Variants in INTS13 observed in about 807,000 individuals in gnomAD.
INTS13 encodes integrator complex subunit 13.
INTS13 carries 35 observed loss-of-function variants against 90.2 expected under a neutral mutation model. That is an observed-to-expected ratio of 0.39 (90% CI 0.30 to 0.51). The LOEUF is 0.51. INTS13 is among the 20% of genes least tolerant of loss of function. The pLI is 0.80. For synonymous variants in INTS13, 309 were observed against 277.1 expected, an observed-to-expected ratio of 1.11 and a Z score of -1.14; for missense variants, 601 against 851.2, an observed-to-expected ratio of 0.71 and a Z score of 3.66.
At chr12:26,930,892 G>T (rs75825557) in intron 3 of INTS13, among the ~76,000 whole-genome samples, 1,712 of 152,176 alleles carry the variant, frequency 0.011, 27 homozygotes, top group African/African-American at 0.039. Flanking sequence ...GAAACGTATG[G>T]AATTCTTAAA....
intron 8 of INTS13, among the ~76,000 whole-genome samples, chr12:26,918,841 C>G (rs1398008295): frequency 1.3e-5 from 2 of 152,102 alleles, no homozygotes; most frequent in Non-Finnish European, 2.9e-5. Flanking sequence ...GAAGTGAAGA[C>G]TGGTCTGAGT....
intron 3 of INTS13, among the ~76,000 whole-genome samples, chr12:26,929,544 G>T (rs2137543238): frequency 6.8e-6 from 1 of 147,616 alleles, no homozygotes; most frequent in East Asian, 2.0e-4. Flanking sequence ...AACAAAGCAA[G>T]ACACCGTTTC....
At chr12:26,926,280 CT>C (rs1937870636) in intron 5 of INTS13, among the ~76,000 whole-genome samples, 3 of 152,162 alleles carry the variant, frequency 2.0e-5, no homozygotes, top group Admixed American at 1.3e-4. Flanking sequence ...TTTCCCCCAA[CT>C]TTTTATTTTG....
chr12:26,912,523 G>C (rs1295673686), intron 14 of INTS13, among the ~76,000 whole-genome samples: 2 of 152,178 alleles, frequency 1.3e-5, no homozygotes, highest in Non-Finnish European at 2.9e-5. Flanking sequence ...GATATAGCCA[G>C]AGGATACGCT....
Position 26,928,812 on chromosome 12 carries a change from T to C in INTS13, c.394A>G (p.Thr132Ala), listed in dbSNP as rs577176759. 4 of 1,614,034 alleles carry C rather than the reference T, an allele frequency of 2.5e-6. No individual in the cohort carries two copies. In the African/African-American group the frequency reaches 5.3e-5, roughly 22 times the overall value. ...ILHGLVAAVE[T>A]LCKITEYQHE... Reference sequence around the variant, plus strand: ...TGGTATTCAGTAATTTTGCAGAGAGTTTCCACTGCTGCAACAAGGCCATGC... The same window carrying C: ...TGGTATTCAGTAATTTTGCAGAGAGCTTCCACTGCTGCAACAAGGCCATGC... Residue 132 changes from threonine (T) to alanine (A), a missense_variant, in exon 4 of 17, where the codon ACT becomes GCT. By Grantham distance (58) the Thr-to-Ala change is moderately conservative (BLOSUM62 0). Coordinates refer to ENST00000261191, the MANE Select transcript of INTS13 (RefSeq NM_018164.3).
intron 2 of INTS13, 49 bp from the exon 3 acceptor site, chr12:26,934,679 A>G (rs1938370081): frequency 3.1e-6 from 4 of 1,271,560 alleles, no homozygotes; most frequent in Non-Finnish European, 4.6e-6. Flanking sequence ...ATTTCACTCA[A>G]TCACCAACAT....
intron 3 of INTS13, among the ~76,000 whole-genome samples, chr12:26,932,103 A>C (rs117194430): frequency 0.099 from 14,944 of 150,804 alleles, 1,030 homozygotes; most frequent in East Asian, 0.16. Flanking sequence ...AAAAAAAAAA[A>C]AACACTCATA....
intron 8 of INTS13, among the ~76,000 whole-genome samples, chr12:26,920,523 C>G (rs1202663608): frequency 6.6e-6 from 1 of 151,858 alleles, no homozygotes; most frequent in East Asian, 1.9e-4. Context: ...CTCAGCATCC[C>G]GAGTAGCTGG....
In INTS13 at chr12:26,906,404, C is replaced by A; in HGVS notation, c.1979G>T (p.Arg660Ile). ...TTTTCTGGAATTGGCAGTATTGATT[C>A]TATTACTCCACAAGGATAATAACGA... is the stretch of plus-strand genomic sequence containing the variant. Reference protein sequence around the residue: ...PVSLLSLWSNRINTANSRKHQ... With the variant: ...PVSLLSLWSNIINTANSRKHQ... Residue 660 changes from arginine to isoleucine, a missense_variant, in exon 16 of 17, where the codon AGA becomes ATA. Arg to Ile is a moderately conservative substitution (Grantham distance 97). Around this residue, in one of 3 missense-constraint regions of INTS13, gnomAD observed 228 missense variants for 272.5 expected, o/e 0.84. Coordinates refer to ENST00000261191, the MANE Select transcript of INTS13 (RefSeq NM_018164.3). The A allele has an allele frequency of 1.2e-6, 2 of 1,611,424 alleles. No individual in the cohort carries two copies. The highest frequency in any genetic ancestry group is 1.1e-5 in the South Asian group (1 of 90,824).
chr12:26,914,651 G>C (rs1951879103), intron 11 of INTS13, 73 bp from the exon 12 acceptor site: 1 of 1,243,108 alleles, frequency 8.0e-7, no homozygotes, highest in South Asian at 1.4e-5. Context: ...GTACTAGTCT[G>C]TTTCCCTGAT....
chr12:26,911,354 AT>A lies in INTS13; in HGVS notation c.1806-38del, dbSNP rs776393862. 7 of 1,563,388 alleles carry A rather than the reference AT, an allele frequency of 4.5e-6. No individual in the cohort carries two copies. In the African/African-American group the frequency reaches 6.9e-5, roughly 15 times the overall value. ...ACAAATAATGAAATGTAAAGTTCAA[AT>A]TTTTAGAAGTCTAATGGTCTAATAA... On this transcript the variant is annotated intron_variant, in intron 14 of 16. Transcript: ENST00000261191.
chr12:26,927,654 C>T (rs748729932), intron 5 of INTS13, among the ~76,000 whole-genome samples: 37 of 152,134 alleles, frequency 2.4e-4, no homozygotes, highest in East Asian at 7.7e-4. Context: ...CTTGCTCTGT[C>T]GCCCAGGCTG....
intron 14 of INTS13, 60 bp from the exon 15 acceptor site, chr12:26,911,377 A>T (rs946999357): frequency 5.6e-6 from 8 of 1,426,986 alleles, no homozygotes; most frequent in South Asian, 1.4e-5. Flanking sequence ...TAATGGTCTA[A>T]TAATTAAACT....
At position 26,911,330 on chromosome 12, in the gene INTS13, C is replaced by T. The variant is rs1951769767; in HGVS notation, c.1806-13G>A. ...GATTCCTTTTAATCTTTTAGAGGGA[C>T]AAATAATGAAATGTAAAGTTCAAAT... On this transcript the variant is annotated splice_polypyrimidine_tract_variant and intron_variant, in intron 14 of 16. Transcript: ENST00000261191. 8.2e-6 allele frequency: 13 copies of T among 1,591,348 alleles called. No homozygotes were observed. The highest frequency in any genetic ancestry group is 1.7e-4 in the Middle Eastern group (1 of 5,948).
At chr12:26,925,365 A>G (rs1191267870) in intron 6 of INTS13, among the ~76,000 whole-genome samples, 1 of 152,152 alleles carries the variant, frequency 6.6e-6, no homozygotes, top group Non-Finnish European at 1.5e-5. Context: ...AGGTTGGAAA[A>G]TAAGATTTTT....
In INTS13 at chr12:26,905,400, G is replaced by A; in HGVS notation, c.*97C>T. 1 of 1,112,802 alleles carries A rather than the reference G, an allele frequency of 9.0e-7. No homozygotes were observed. The highest frequency in any genetic ancestry group is 2.3e-5 in the Admixed American group (1 of 43,750). The allele number at this position is 1,112,802 out of a possible 1,614,324, so 68.9% of individuals were successfully genotyped here. A position where few individuals can be genotyped will look rare whatever the true frequency, so the allele number is the denominator to read the frequency against. On this transcript the variant is annotated 3_prime_UTR_variant, in exon 17 of 17. Coordinates refer to ENST00000261191, the MANE Select transcript of INTS13 (RefSeq NM_018164.3). The stretch of plus-strand genomic sequence containing the variant: ...TTTAAAAATGTAAAAACCAGTCCAG[G>A]CAACATAACTATACCATCTTGCTGT...
At chr12:26,916,210 A>G (rs771185633) in intron 10 of INTS13, 30 bp from the exon 11 acceptor site, 1 of 1,546,344 alleles carries the variant, frequency 6.5e-7, no homozygotes, top group Non-Finnish European at 8.8e-7. Context: ...ACTATCAGTA[A>G]TGAAACTCAA....
intron 3 of INTS13, chr12:26,929,135 C>T (rs1451936914): frequency 4.3e-6 from 2 of 465,058 alleles, no homozygotes; most frequent in Non-Finnish European, 7.7e-6. Context: ...TCAATTATTA[C>T]AATACATCAT....
chr12:26,906,173 T>A, intron 16 of INTS13, 129 bp downstream of exon 16: 1 of 887,444 alleles, frequency 1.1e-6, no homozygotes, highest in East Asian at 2.6e-5. Flanking sequence ...TTTTTTCTGC[T>A]TATGGGGAAC....
Sources: gnomAD v4.1 joint callset for allele counts (sites outside exome capture counted in the v4.1 genomes callset) on GRCh38, gnomAD v4.1.1 for gene constraint, gnomAD v4.1.1 regional missense constraint, MANE v1.5 for transcripts, NCBI Gene and HGNC (gene_info 2026-07-23, HGNC 2026-07-21) for gene names.